RASGRP3: variants seen among roughly 807,000 people sequenced by gnomAD.
RASGRP3 encodes the protein ras guanyl-releasing protein 3.
A neutral mutation model predicts 82.7 loss-of-function variants in RASGRP3; 54 were observed. That is an observed-to-expected ratio of 0.65 (90% CI 0.52 to 0.82). RASGRP3 has a LOEUF of 0.82. Ranked by LOEUF, RASGRP3 falls within the 40% of genes least tolerant of loss-of-function variation. The pLI is 0.00. For missense variants in RASGRP3, 861 were observed against 828.9 expected (o/e 1.04, Z -0.48); for synonymous variants, 309 against 300.5 (o/e 1.03, Z -0.29).
chr2:33,541,276 A>G (rs1470697826), intron 12 of RASGRP3, among the ~76,000 whole-genome samples: 1 of 147,310 alleles, frequency 6.8e-6, no homozygotes, highest in African/African-American at 2.4e-5. Flanking sequence ...TGGTAATTCT[A>G]TTCTCCAAGG....
chr2:33,464,506 C>G (rs1350232436), intron 2 of RASGRP3, among the ~76,000 whole-genome samples: 1 of 150,534 alleles, frequency 6.6e-6, no homozygotes, highest in African/African-American at 2.4e-5. Context: ...TAGGGTCTTG[C>G]TCTGTCGCCC....
chr2:33,563,052 T>A lies in RASGRP3; in HGVS notation c.*315T>A. 1 of 353,882 alleles carries A rather than the reference T, an allele frequency of 2.8e-6. No individual in the cohort carries two copies. The highest frequency in any genetic ancestry group is 5.1e-6 in the Non-Finnish European group (1 of 197,552). The allele number at this position is 353,882 out of a possible 1,614,324, so 21.9% of individuals were successfully genotyped here. A position where few individuals can be genotyped will look rare whatever the true frequency, so the allele number is the denominator to read the frequency against. On this transcript the variant is annotated 3_prime_UTR_variant, in exon 18 of 18. Coordinates refer to ENST00000403687, the MANE Select transcript of RASGRP3 (RefSeq NM_001139488.2). ...TATACGGGTGAAATGAAAGCTTTTTTGCATGTACTTGATACTCAGTCTGTA... is the reference window on the plus strand; with the variant it reads ...TATACGGGTGAAATGAAAGCTTTTTAGCATGTACTTGATACTCAGTCTGTA...
intron 2 of RASGRP3, among the ~76,000 whole-genome samples, chr2:33,462,384 C>CTT (rs375192496): frequency 4.4e-4 from 61 of 138,942 alleles, no homozygotes; most frequent in Non-Finnish European, 5.1e-4. Flanking sequence ...TTTTGTTTTT[C>CTT]TTTTTTTTTT....
chr2:33,522,119 T>C lies in RASGRP3; in HGVS notation c.516+17T>C, dbSNP rs780119494. ...AGGATCTCAGTAAGAAACTTGACAT[T>C]TATTCTTCCAAGGATAACAACCACC... On this transcript the variant is annotated intron_variant, in intron 7 of 17. Coordinates refer to ENST00000403687, the MANE Select transcript of RASGRP3 (RefSeq NM_001139488.2). 1.3e-5 allele frequency: 20 copies of C among 1,594,486 alleles called. No individual in the cohort carries two copies. The highest frequency in any genetic ancestry group is 1.7e-5 in the Non-Finnish European group (20 of 1,173,736).
rs943171084 is a variant in RASGRP3 at position 33,552,027 on chromosome 2, A to T, written c.1542+2276A>T. On this transcript the variant is annotated intron_variant, in intron 14 of 17. Transcript: ENST00000403687. ...CAAACAAACAAACAAACAAACAAAC[A>T]GAGAAACAAACTCAAGATCTTATCT... Among the ~76,000 whole-genome samples, 327 of 64,226 alleles carry T rather than the reference A, an allele frequency of 5.1e-3. 2 individuals carry two copies. Among genetic ancestry groups the T allele is most frequent in the African/African-American group, 0.019 (306 of 15,908 alleles). The allele number at this position is 64,226 out of a possible 152,430, so 42.1% of individuals were successfully genotyped here.
At chr2:33,442,886 T>G (rs1665303266) in intron 1 of RASGRP3, among the ~76,000 whole-genome samples, 1 of 147,744 alleles carries the variant, frequency 6.8e-6, no homozygotes, top group Admixed American at 6.7e-5. Context: ...CACTATTGTT[T>G]TTTTTTTTTT....
intron 1 of RASGRP3, among the ~76,000 whole-genome samples, chr2:33,437,941 A>C (rs1665013486): frequency 6.6e-6 from 1 of 152,210 alleles, no homozygotes; most frequent in South Asian, 2.1e-4. Context: ...CTGCAAAGTC[A>C]GTTCTGAGTC....
chr2:33,490,845 T>C (rs891945919), intron 1 of RASGRP3, among the ~76,000 whole-genome samples: 1 of 152,360 alleles, frequency 6.6e-6, no homozygotes, highest in African/African-American at 2.4e-5. Flanking sequence ...TCATCTGGCC[T>C]GTTTAGTTCA....
At chr2:33,539,585 T>G (rs1674027170) in intron 12 of RASGRP3, 1 of 147,696 alleles carries the variant, frequency 6.8e-6, no homozygotes, top group Admixed American at 7.3e-5. Context: ...AAAGAAATCC[T>G]GTAAGTTGGA....
chr2:33,534,516 CATT>C, intron 11 of RASGRP3, 116 bp downstream of exon 11: 1 of 757,594 alleles, frequency 1.3e-6, no homozygotes, highest in Non-Finnish European at 2.2e-6. Context: ...TAAAAATTGA[CATT>C]ATTCTTTCTT....
chr2:33,554,573 T>C (rs751589486), intron 14 of RASGRP3, among the ~76,000 whole-genome samples: 4 of 151,922 alleles, frequency 2.6e-5, no homozygotes, highest in Admixed American at 2.0e-4. Context: ...CCTGAGTTCA[T>C]GCCATTCTCC....
rs141203941 is a variant in RASGRP3 at position 33,464,096 on chromosome 2, TTAATAA to T, written c.-261+16164_-261+16169del. ...TTAGTAATTCTTGCAATATTCAAAC[TTAATAA>T]TAATAATAATTATTATTATTATTAT... On this transcript the variant is annotated intron_variant, in intron 2 of 18. Transcript: ENST00000402538. 1.9e-3 allele frequency among the ~76,000 whole-genome samples: 261 copies of T among 134,532 alleles called. 2 individuals carry two copies. Among genetic ancestry groups the T allele is most frequent in the African/African-American group, 5.8e-3 (214 of 37,146 alleles). 88.3% of individuals were successfully genotyped at this position (134,532 alleles called of 152,430 possible). A position where few individuals can be genotyped will look rare whatever the true frequency, so the allele number is the denominator to read the frequency against.
At chr2:33,457,938 T>C (rs1666131683) in intron 2 of RASGRP3, 1 of 152,218 alleles carries the variant, frequency 6.6e-6, no homozygotes, top group African/African-American at 2.4e-5. Context: ...GCAGAGGACA[T>C]ATTTCAGGCA....
chr2:33,537,320 A>ACACACCACCCCCCC lies in RASGRP3; in HGVS notation c.1162-1773_1162-1772insACACCACCCCCCCC, dbSNP rs771052774. Among the ~76,000 whole-genome samples the ACACACCACCCCCCC allele has an allele frequency of 9.0e-5, 3 of 33,324 alleles. 1 individual carries two copies. The highest frequency in any genetic ancestry group is 1.2e-3 in the East Asian group (2 of 1,624). 21.9% of individuals were successfully genotyped at this position (33,324 alleles called of 152,430 possible). ...GTCTCTAAAATACACACACACACAC[A>ACACACCACCCCCCC]CCGCCCCCCCCACACACACACACAA... On this transcript the variant is annotated intron_variant, in intron 11 of 17. Coordinates refer to ENST00000403687, the MANE Select transcript of RASGRP3 (RefSeq NM_001139488.2).
chr2:33,516,678 C>A (rs775757430), intron 4 of RASGRP3, 34 bp downstream of exon 4: 2 of 1,371,114 alleles, frequency 1.5e-6, no homozygotes, highest in African/African-American at 1.4e-5. Context: ...TTTTTACAAT[C>A]ATAAATCAAG....
intron 14 of RASGRP3, among the ~76,000 whole-genome samples, chr2:33,550,424 G>A (rs901224929): frequency 6.6e-6 from 1 of 152,168 alleles, no homozygotes; most frequent in Middle Eastern, 3.2e-3. Flanking sequence ...TGTACTGACT[G>A]TCAGCCCTGT....
In RASGRP3 at chr2:33,476,670, A is replaced by T. The variant is rs1667396943; in HGVS notation, c.-298A>T. Reference sequence around the variant, plus strand: ...CGGCACTTGGCAGCTGGACAGGCAGAGTGCTGATGTGAAAAATACCACGAC... The same window carrying T: ...CGGCACTTGGCAGCTGGACAGGCAGTGTGCTGATGTGAAAAATACCACGAC... On this transcript the variant is annotated 5_prime_UTR_variant, in exon 1 of 18. Transcript: ENST00000403687. The T allele has an allele frequency of 6.6e-6, 1 of 152,046 alleles. No homozygotes were observed. The highest frequency in any genetic ancestry group is 1.5e-5 in the Non-Finnish European group (1 of 68,050). The allele number at this position is 152,046 out of a possible 1,614,324, so 9.4% of individuals were successfully genotyped here.
intron 1 of RASGRP3, among the ~76,000 whole-genome samples, chr2:33,503,136 T>C (rs1251879606): frequency 6.6e-6 from 1 of 152,256 alleles, no homozygotes; most frequent in Non-Finnish European, 1.5e-5. Flanking sequence ...TTTACAAATT[T>C]AGTTGGGAAC....
intron 10 of RASGRP3, among the ~76,000 whole-genome samples, chr2:33,529,486 T>TAAAAAAAAAAAAAAAAA (rs1558491469): frequency 1.6e-4 from 1 of 6,090 alleles, no homozygotes; most frequent in Non-Finnish European, 2.9e-4. Context: ...AGACTCCATC[T>TAAAAAAAAAAAAAAAAA]CAAAAAAAAA....
Sources: allele counts gnomAD v4.1 joint callset (sites outside exome capture counted in the v4.1 genomes callset), GRCh38; gene constraint gnomAD v4.1.1; transcripts MANE v1.5; gene names NCBI Gene and HGNC (gene_info 2026-07-23, HGNC 2026-07-21).